Variants in ELAPOR2 observed in about 807,000 individuals in gnomAD.
ELAPOR2 encodes endosome-lysosome associated apoptosis and autophagy regulator family member 2, also known as endosome/lysosome-associated apoptosis and autophagy regulator family member 2.
A neutral mutation model predicts 120.7 loss-of-function variants in ELAPOR2; 89 were observed. The observed-to-expected ratio is 0.74, with a 90% CI of 0.62 to 0.88. The LOEUF (loss-of-function observed/expected upper bound fraction) is 0.88, where lower values mean the gene tolerates loss of function less well. Ranked by LOEUF, ELAPOR2 falls within the 40% of genes least tolerant of loss-of-function variation. ELAPOR2 has a pLI of 0.00. For missense variants in ELAPOR2, 1,134 were observed against 1,251.6 expected (o/e 0.91, Z 1.42); for synonymous variants, 444 against 444.9 (o/e 1.00, Z 0.03).
chr7:86,998,694 T>C lies in ELAPOR2; in HGVS notation c.190-33670A>G, dbSNP rs1414393902. Among the ~76,000 whole-genome samples the C allele has an allele frequency of 3.3e-5, 5 of 152,308 alleles. No homozygotes were observed. In the East Asian group the frequency reaches 9.6e-4, roughly 29 times the overall value. On this transcript the variant is annotated intron_variant, in intron 1 of 21. Transcript: ENST00000450689. ...AAATGTCTGTGGAGCATCCTCCGAG[T>C]TGAGACCTATTCAACTAGTTCACTT...
In ELAPOR2 at chr7:86,897,611, AC is replaced by A. The variant is rs1462119321; in HGVS notation, c.2579del (p.Cys860LeufsTer69). On this transcript the variant is annotated frameshift_variant, in exon 19 of 22. Transcript: ENST00000450689. LOFTEE classifies it high-confidence loss of function. ...ACAGGAAATAGAACGTACACCCATC[AC>A]AGGTACCTGCTGGGCACTTGCTAAA... ...SVPSKCPAGTCDGCTFYFLWE... is the reference protein window; with the variant it reads ...SVPSKCPAGTXDGCTFYFLWE... 1 of 1,613,330 alleles carries A rather than the reference AC, an allele frequency of 6.2e-7. No homozygotes were observed. The highest frequency in any genetic ancestry group is 2.2e-5 in the East Asian group (1 of 44,802).
chr7:86,997,055 T>G (rs1410801228), intron 1 of ELAPOR2, among the ~76,000 whole-genome samples: 1 of 152,200 alleles, frequency 6.6e-6, no homozygotes, highest in Non-Finnish European at 1.5e-5. Context: ...TACATGTCCC[T>G]CTCTCTGATC....
In ELAPOR2 at chr7:86,932,317, C is replaced by T. The variant is rs1362472791; in HGVS notation, c.1090-5401G>A. 3.9e-5 allele frequency among the ~76,000 whole-genome samples: 6 copies of T among 151,900 alleles called. No individual in the cohort carries two copies. In the South Asian group the frequency reaches 8.3e-4, roughly 21 times the overall value. On this transcript the variant is annotated intron_variant, in intron 8 of 21. Transcript: ENST00000450689. ...ATATTGACTTCCCAGTTAAATGAGT[C>T]AACAGGCTCCTGCCTCCTCCCCTCT...
At chr7:86,898,907 T>G (rs925704488) in intron 18 of ELAPOR2, among the ~76,000 whole-genome samples, 2 of 152,048 alleles carry the variant, frequency 1.3e-5, no homozygotes, top group Non-Finnish European at 2.9e-5. Flanking sequence ...CTTTTAGAGG[T>G]AGGAGAAAGA....
intron 1 of ELAPOR2, among the ~76,000 whole-genome samples, chr7:87,010,994 G>A (rs1244527029): frequency 6.6e-6 from 1 of 152,062 alleles, no homozygotes; most frequent in African/African-American, 2.4e-5. Context: ...CCGACCAGGT[G>A]CAGTGGCTCA....
rs114783004 is a variant in ELAPOR2, at chr7:87,000,703, T to C, written c.190-35679A>G. Among the ~76,000 whole-genome samples the C allele has an allele frequency of 7.1e-3, 1,085 of 152,216 alleles. 15 individuals are homozygous for C. Among genetic ancestry groups the C allele is most frequent in the African/African-American group, 0.025 (1,043 of 41,540 alleles). On this transcript the variant is annotated intron_variant, in intron 1 of 21. Transcript: ENST00000450689. The stretch of plus-strand genomic sequence containing the variant: ...GTTAAATACAAACACAGGAAAGGCA[T>C]TATCATTTCAGTGTTTTCAATCACA...
chr7:86,969,153 C>T (rs2116501056), intron 1 of ELAPOR2, among the ~76,000 whole-genome samples: 1 of 152,208 alleles, frequency 6.6e-6, no homozygotes, highest in East Asian at 1.9e-4. Context: ...GATATGAATC[C>T]TTGAATAACA....
rs761056880 is a variant in ELAPOR2 at position 86,991,957 on chromosome 7, T to C, written c.190-26933A>G. ...AATGACCACAAGCTATAAAGAAGCC[T>C]GGGAAAGGGTGCTTTAACTAGGCAT... On this transcript the variant is annotated intron_variant, in intron 1 of 21. Coordinates refer to ENST00000450689, the MANE Select transcript of ELAPOR2 (RefSeq NM_001142749.3). Among the ~76,000 whole-genome samples, 80 of 152,252 alleles carry C rather than the reference T, an allele frequency of 5.3e-4. 1 individual carries two copies. The highest frequency in any genetic ancestry group is 3.7e-3 in the Admixed American group (56 of 15,280).
chr7:87,047,081 C>T (rs1166064302), intron 1 of ELAPOR2, among the ~76,000 whole-genome samples: 2 of 152,186 alleles, frequency 1.3e-5, no homozygotes, highest in African/African-American at 2.4e-5. Context: ...AGAATATACA[C>T]TGGGGAAAGG....
At chr7:87,004,566 G>A (rs1393958171) in intron 1 of ELAPOR2, among the ~76,000 whole-genome samples, 1 of 152,118 alleles carries the variant, frequency 6.6e-6, no homozygotes, top group Non-Finnish European at 1.5e-5. Flanking sequence ...CTTCATAGGA[G>A]TTTTCAGCCT....
intron 15 of ELAPOR2, among the ~76,000 whole-genome samples, chr7:86,911,044 A>T (rs556964861): frequency 6.6e-6 from 1 of 152,248 alleles, no homozygotes; most frequent in Admixed American, 6.5e-5. Flanking sequence ...AAGAAACAAG[A>T]ATAAAAAGGA....
At chr7:87,051,210 A>G (rs1795090841) in intron 1 of ELAPOR2, among the ~76,000 whole-genome samples, 2 of 152,238 alleles carry the variant, frequency 1.3e-5, no homozygotes, top group Non-Finnish European at 2.9e-5. Context: ...GGCAATGTCA[A>G]GATGTCAGGA....
chr7:87,047,411 G>A (rs911380270), intron 1 of ELAPOR2, among the ~76,000 whole-genome samples: 4 of 152,128 alleles, frequency 2.6e-5, no homozygotes, highest in Admixed American at 2.6e-4. Context: ...CCTACAGAAT[G>A]GGAGAAAGTA....
chr7:87,041,572 G>C (rs569289909), intron 1 of ELAPOR2, among the ~76,000 whole-genome samples: 1 of 151,974 alleles, frequency 6.6e-6, no homozygotes, highest in Non-Finnish European at 1.5e-5. Flanking sequence ...GAGAGATTTT[G>C]TAACCACCAG....
intron 1 of ELAPOR2, among the ~76,000 whole-genome samples, chr7:87,042,687 C>T (rs1040220269): frequency 6.6e-6 from 1 of 152,076 alleles, no homozygotes; most frequent in African/African-American, 2.4e-5. Context: ...ACCCTAACAT[C>T]ACAATTAAAA....
chr7:86,918,478 G>C lies in ELAPOR2; in HGVS notation c.1557C>G (p.Thr519=). The C allele has an allele frequency of 6.2e-7, 1 of 1,613,076 alleles. No individual in the cohort carries two copies. The highest frequency in any genetic ancestry group is 1.1e-5 in the South Asian group (1 of 91,026). ...ELGRITFVFE[T]LCSADCVLYF... ...ACAAAACACAGTCAGCTGAACAGAG[G>C]GTCTCAAAGACAAATGTTATTCTTC... The change falls in exon 12 of 22, where the codon ACC becomes ACG. Residue 519 remains threonine, a synonymous_variant. Transcript: ENST00000450689.
chr7:87,057,515 A>C (rs1795300335), intron 1 of ELAPOR2, among the ~76,000 whole-genome samples: 1 of 152,198 alleles, frequency 6.6e-6, no homozygotes, highest in African/African-American at 2.4e-5. Context: ...GTCCTCCTAT[A>C]TATTTTATTT....
intron 1 of ELAPOR2, among the ~76,000 whole-genome samples, chr7:87,000,601 T>C (rs1053864562): frequency 5.9e-5 from 9 of 152,156 alleles, no homozygotes; most frequent in Non-Finnish European, 1.2e-4. Flanking sequence ...AAGTGCCAGC[T>C]CCACTCCATG....
At chr7:86,952,155 ACTATGAAAG>A (rs1292937083) in intron 2 of ELAPOR2, among the ~76,000 whole-genome samples, 1 of 152,230 alleles carries the variant, frequency 6.6e-6, no homozygotes, top group Non-Finnish European at 1.5e-5. Context: ...TCTGCAAATA[ACTATGAAAG>A]CATTGAGTGT....
Sources: allele counts gnomAD v4.1 joint callset (sites outside exome capture counted in the v4.1 genomes callset), GRCh38; gene constraint gnomAD v4.1.1; transcripts MANE v1.5; gene names NCBI Gene and HGNC (gene_info 2026-07-23, HGNC 2026-07-21).